The following CNOT6 variants were observed in gnomAD, a reference collection of about 807,000 sequenced individuals.
The protein encoded by CNOT6 is carbon catabolite repression 4 protein.
Under a neutral mutation model 61.2 loss-of-function variants are expected in CNOT6, and 12 were observed. That is an observed-to-expected ratio of 0.20 (90% CI 0.13 to 0.32). CNOT6 has a LOEUF of 0.32. Ranked by LOEUF, CNOT6 falls within the 10% of genes least tolerant of loss-of-function variation. CNOT6 has a pLI of 1.00. For missense variants in CNOT6, 405 were observed against 663.9 expected, an observed-to-expected ratio of 0.61 and a Z score of 4.28; for synonymous variants, 225 against 240.6, an observed-to-expected ratio of 0.94 and a Z score of 0.60.
At chr5:180,567,636 A>G (rs1301495286) in intron 8 of CNOT6, among the ~76,000 whole-genome samples, 1 of 152,242 alleles carries the variant, frequency 6.6e-6, no homozygotes, top group Non-Finnish European at 1.5e-5. Context: ...CAGTTGTAAA[A>G]ATATTTCAAG....
At chr5:180,537,908 G>A (rs990113880) in intron 2 of CNOT6, among the ~76,000 whole-genome samples, 4 of 150,082 alleles carry the variant, frequency 2.7e-5, no homozygotes, top group African/African-American at 4.9e-5. Context: ...TTAAGTATTC[G>A]CTTATTTGTG....
At chr5:180,510,204 A>C (rs1757329699) in intron 1 of CNOT6, among the ~76,000 whole-genome samples, 1 of 112,618 alleles carries the variant, frequency 8.9e-6, no homozygotes, top group African/African-American at 3.5e-5. Flanking sequence ...CCCAGGCTGG[A>C]GTGCAGTGGC....
At chr5:180,559,870 T>C (rs1760081150) in intron 4 of CNOT6, among the ~76,000 whole-genome samples, 2 of 152,168 alleles carry the variant, frequency 1.3e-5, no homozygotes, top group Admixed American at 6.5e-5. Context: ...TTAGCTCTCT[T>C]TACATCCTTT....
intron 4 of CNOT6, among the ~76,000 whole-genome samples, chr5:180,553,787 T>G (rs568572760): frequency 1.3e-5 from 2 of 152,192 alleles, no homozygotes; most frequent in Admixed American, 1.3e-4. Context: ...TTTTCTTAGA[T>G]TCAAATCTCA....
At chr5:180,536,593 C>T (rs1341372847) in intron 2 of CNOT6, among the ~76,000 whole-genome samples, 1 of 152,072 alleles carries the variant, frequency 6.6e-6, no homozygotes, top group African/African-American at 2.4e-5. Flanking sequence ...CAGGTGCACA[C>T]AACCATGCCT....
At chr5:180,501,223 G>A (rs371293871) in intron 1 of CNOT6, among the ~76,000 whole-genome samples, 7 of 152,116 alleles carry the variant, frequency 4.6e-5, no homozygotes, top group Non-Finnish European at 7.4e-5. Context: ...GTTCATTTAC[G>A]TCCTGTGAGA....
chr5:180,532,048 G>T (rs1309678268), intron 2 of CNOT6, among the ~76,000 whole-genome samples: 1 of 152,190 alleles, frequency 6.6e-6, no homozygotes, highest in Non-Finnish European at 1.5e-5. Context: ...ACCAAGTTCA[G>T]CTCAGTAAGT....
intron 1 of CNOT6, among the ~76,000 whole-genome samples, chr5:180,528,017 A>G (rs972239990): frequency 1.3e-5 from 2 of 152,108 alleles, no homozygotes; most frequent in East Asian, 1.9e-4. Context: ...CCCTCCCCAA[A>G]TCTGTGGAAA....
chr5:180,515,836 C>T (rs1033044583), intron 1 of CNOT6, among the ~76,000 whole-genome samples: 1 of 151,788 alleles, frequency 6.6e-6, no homozygotes, highest in Non-Finnish European at 1.5e-5. Context: ...AAGTAAAGCA[C>T]AAAGAATGGA....
In CNOT6 at chr5:180,567,074, T is replaced by C. The variant is rs1375648035; in HGVS notation, c.718-14T>C. ...TTGTCTTATGAAATAACTGTGCTGT[T>C]TACAACTTTTCAGGAGGTTGAAACG... is the stretch of plus-strand genomic sequence containing the variant. On this transcript the variant is annotated splice_polypyrimidine_tract_variant and intron_variant, in intron 7 of 11. Coordinates refer to ENST00000261951, the MANE Select transcript of CNOT6 (RefSeq NM_001370472.1). 3.1e-6 allele frequency: 5 copies of C among 1,596,896 alleles called. No individual in the cohort carries two copies. The highest frequency in any genetic ancestry group is 1.8e-5 in the Admixed American group (1 of 54,660).
chr5:180,498,109 G>A (rs1198330426), intron 1 of CNOT6, among the ~76,000 whole-genome samples: 1 of 151,998 alleles, frequency 6.6e-6, no homozygotes, highest in East Asian at 1.9e-4. Flanking sequence ...GGGTACATTA[G>A]AGTATAATGG....
chr5:180,515,941 C>T (rs556538350), intron 1 of CNOT6, among the ~76,000 whole-genome samples: 12 of 152,190 alleles, frequency 7.9e-5, no homozygotes, highest in South Asian at 4.2e-4. Flanking sequence ...AGGGTCTCAC[C>T]GCGTTACCCA....
At chr5:180,563,838 A>T (rs528378874) in intron 4 of CNOT6, among the ~76,000 whole-genome samples, 5 of 152,216 alleles carry the variant, frequency 3.3e-5, no homozygotes, top group Non-Finnish European at 7.4e-5. Context: ...TTCTGAGAGG[A>T]TTTGAGATTC....
At chr5:180,540,460 A>G (rs1383516561) in intron 2 of CNOT6, among the ~76,000 whole-genome samples, 4 of 152,226 alleles carry the variant, frequency 2.6e-5, no homozygotes, top group African/African-American at 9.6e-5. Flanking sequence ...AGTGTCATGC[A>G]TTCAGTAGAG....
chr5:180,539,739 G>A (rs897859267), intron 2 of CNOT6, among the ~76,000 whole-genome samples: 36 of 151,200 alleles, frequency 2.4e-4, no homozygotes, highest in Non-Finnish European at 2.4e-4. Flanking sequence ...ACAGGCACCC[G>A]CCACCACACC....
chr5:180,508,384 T>C (rs946355628), intron 1 of CNOT6, among the ~76,000 whole-genome samples: 1 of 152,154 alleles, frequency 6.6e-6, no homozygotes, highest in East Asian at 1.9e-4. Flanking sequence ...CAATCTTGGC[T>C]CACTGCAACT....
intron 1 of CNOT6, among the ~76,000 whole-genome samples, chr5:180,506,176 G>A (rs1031555150): frequency 6.6e-6 from 1 of 152,160 alleles, no homozygotes; most frequent in Non-Finnish European, 1.5e-5. Flanking sequence ...GCAATCTTGG[G>A]TAAATTGCAT....
chr5:180,538,929 A>G (rs1414078515), intron 2 of CNOT6, among the ~76,000 whole-genome samples: 2 of 151,832 alleles, frequency 1.3e-5, no homozygotes, highest in Non-Finnish European at 2.9e-5. Flanking sequence ...TAATCCCAAC[A>G]CTTTGGGAGG....
At chr5:180,527,163 A>G (rs1758138818) in intron 1 of CNOT6, among the ~76,000 whole-genome samples, 1 of 152,212 alleles carries the variant, frequency 6.6e-6, no homozygotes, top group African/African-American at 2.4e-5. Context: ...CTGAATCACA[A>G]TACTTGTTTA....
Sources: gnomAD v4.1 joint callset for allele counts (sites outside exome capture counted in the v4.1 genomes callset) on GRCh38, gnomAD v4.1.1 for gene constraint, MANE v1.5 for transcripts, NCBI Gene and HGNC (gene_info 2026-07-23, HGNC 2026-07-21) for gene names.